Variants in RGS22 observed in about 807,000 individuals in gnomAD.
RGS22 encodes regulator of G-protein signaling 22.
Under a neutral mutation model 172.9 loss-of-function variants are expected in RGS22, and 148 were observed. The ratio of observed to expected loss-of-function variants is 0.86; its 90% CI spans 0.75 to 0.98. RGS22 has a LOEUF of 0.98. Among genes scored for constraint, RGS22 ranks in the 50% least tolerant of loss-of-function variants. The pLI is 0.00. For missense variants in RGS22, 1,347 were observed against 1,440.8 expected, an observed-to-expected ratio of 0.93 and a Z score of 1.05; for synonymous variants, 458 against 480.2, an observed-to-expected ratio of 0.95 and a Z score of 0.60.
At chr8:99,994,759 A>C (rs1304571180) in intron 20 of RGS22, among the ~76,000 whole-genome samples, 2 of 152,200 alleles carry the variant, frequency 1.3e-5, no homozygotes, top group Admixed American at 1.3e-4. Context: ...ATTAGAAAAA[A>C]AACTACTTTA....
intron 6 of RGS22, 125 bp from the exon 7 acceptor site, chr8:100,066,421 C>A: frequency 4.4e-6 from 3 of 688,680 alleles, no homozygotes; most frequent in Non-Finnish European, 6.8e-6. Flanking sequence ...AAAATTATCT[C>A]ATGAAGGAAA....
At chr8:100,033,772 G>C (rs1819118098) in intron 14 of RGS22, among the ~76,000 whole-genome samples, 1 of 152,142 alleles carries the variant, frequency 6.6e-6, no homozygotes, top group African/African-American at 2.4e-5. Context: ...CCATGATCAA[G>C]TTGGCTTTTC....
chr8:100,083,437 G>A (rs1171469178), intron 3 of RGS22, among the ~76,000 whole-genome samples: 2 of 151,936 alleles, frequency 1.3e-5, no homozygotes, highest in African/African-American at 2.4e-5. Flanking sequence ...GCGTGATCTC[G>A]GCTCACTGCA....
intron 4 of RGS22, among the ~76,000 whole-genome samples, chr8:100,073,964 A>G (rs1811165750): frequency 6.6e-6 from 1 of 152,220 alleles, no homozygotes. Flanking sequence ...CAAAGACCAA[A>G]AACATACAAG....
intron 13 of RGS22, among the ~76,000 whole-genome samples, chr8:100,039,385 T>C (rs2131593677): frequency 1.3e-5 from 2 of 151,868 alleles, no homozygotes; most frequent in East Asian, 3.9e-4. Context: ...ATACTTTTTT[T>C]TTTTTTTTTT....
intron 23 of RGS22, among the ~76,000 whole-genome samples, chr8:99,968,422 TAAC>T (rs1490743221): frequency 6.6e-6 from 1 of 151,950 alleles, no homozygotes; most frequent in Non-Finnish European, 1.5e-5. Flanking sequence ...AGGTGGGTAA[TAAC>T]AAACTCTTCT....
chr8:100,051,412 A>ATATATATATACATATATATATTTAT (rs1453017129), intron 10 of RGS22, among the ~76,000 whole-genome samples: 4 of 122,308 alleles, frequency 3.3e-5, no homozygotes, highest in Non-Finnish European at 6.5e-5. Context: ...TATATTTATT[A>ATATATATATACATATATATATTTAT]TATATATATA....
intron 23 of RGS22, among the ~76,000 whole-genome samples, chr8:99,967,104 C>T (rs551826626): frequency 7.9e-5 from 12 of 152,254 alleles, no homozygotes; most frequent in Admixed American, 2.0e-4. Context: ...TGTTGCCTCA[C>T]GCAGGAAGTG....
Position 100,051,241 on chromosome 8 carries a change from G to C in RGS22, c.1689+1561C>G, listed in dbSNP as rs190725753. Among the ~76,000 whole-genome samples the C allele has an allele frequency of 4.0e-4, 61 of 151,320 alleles. 1 individual carries two copies. The highest frequency in any genetic ancestry group is 1.3e-3 in the African/African-American group (52 of 41,186). ...AAAGAAGAGCAAGGAGACCAATGTG[G>C]TTGGAATGCAGTAAGCTAGAGTGGT... On this transcript the variant is annotated intron_variant, in intron 10 of 27. Coordinates refer to ENST00000360863, the MANE Select transcript of RGS22 (RefSeq NM_015668.5).
intron 22 of RGS22, among the ~76,000 whole-genome samples, chr8:99,978,908 TTTAAAAAG>T (rs1365027375): frequency 2.0e-5 from 3 of 152,180 alleles, no homozygotes; most frequent in Admixed American, 1.3e-4. Context: ...AAGAGGAATC[TTTAAAAAG>T]TAAATGCTGC....
In RGS22 at chr8:100,063,923, A is replaced by G; in HGVS notation, c.845T>C (p.Leu282Pro). The G allele has an allele frequency of 6.2e-7, 1 of 1,603,048 alleles. No individual in the cohort carries two copies. Among genetic ancestry groups the G allele is most frequent in the Non-Finnish European group, 8.5e-7 (1 of 1,174,870 alleles). ...AAGAGCTTGAGAAGGAGTGTCTTGT[A>G]GAGATACAGACACCTCTTCTTCTTC... ...EGEEEEVSVSLQDTPSQALLR... is the reference protein window; with the variant it reads ...EGEEEEVSVSPQDTPSQALLR... The change falls in exon 8 of 28, where the codon CTA becomes CCA. Residue 282 changes from leucine to proline, a missense_variant. Transcript: ENST00000360863.
At chr8:100,077,002 GAA>G (rs906789533) in intron 4 of RGS22, among the ~76,000 whole-genome samples, 2 of 149,660 alleles carry the variant, frequency 1.3e-5, no homozygotes, top group East Asian at 3.9e-4. Flanking sequence ...CAAAAAAAAA[GAA>G]AAAAAAAGTC....
intron 14 of RGS22, among the ~76,000 whole-genome samples, chr8:100,024,365 A>T (rs962404629): frequency 1.3e-5 from 2 of 152,010 alleles, no homozygotes; most frequent in African/African-American, 4.8e-5. Context: ...TCTTAAAAAA[A>T]TAAAAACACT....
At chr8:100,000,324 T>A (rs577345135) in intron 18 of RGS22, among the ~76,000 whole-genome samples, 1 of 152,226 alleles carries the variant, frequency 6.6e-6, no homozygotes, top group South Asian at 2.1e-4. Context: ...CTCTTCTTAG[T>A]TCTCCTTTAA....
intron 21 of RGS22, among the ~76,000 whole-genome samples, chr8:99,986,766 GGTTTA>G (rs1404236105): frequency 6.6e-6 from 1 of 151,418 alleles, no homozygotes; most frequent in African/African-American, 2.4e-5. Flanking sequence ...CTTCTCTGTT[GGTTTA>G]TTTATCCATA....
intron 16 of RGS22, 136 bp from the exon 17 acceptor site, chr8:100,004,234 CT>C: frequency 1.9e-6 from 2 of 1,036,580 alleles, no homozygotes; most frequent in Non-Finnish European, 2.6e-6. Context: ...TGGGTAAAGA[CT>C]TTAGAATCTG....
chr8:99,992,066 T>A (rs868140963), intron 20 of RGS22, among the ~76,000 whole-genome samples: 9 of 152,274 alleles, frequency 5.9e-5, no homozygotes, highest in Middle Eastern at 3.4e-3. Flanking sequence ...AAGCAAATGC[T>A]GAGAGATTTT....
At chr8:100,031,550 A>G (rs577527394) in intron 14 of RGS22, among the ~76,000 whole-genome samples, 44 of 151,694 alleles carry the variant, frequency 2.9e-4, no homozygotes, top group Middle Eastern at 3.4e-3. Flanking sequence ...CCTCCTTCCC[A>G]TTTCTTACTT....
Position 100,006,020 on chromosome 8 carries a change from A to G in RGS22, c.2451T>C (p.Ala817=). The G allele has an allele frequency of 6.2e-7, 1 of 1,612,620 alleles. No individual in the cohort carries two copies. Among genetic ancestry groups the G allele is most frequent in the Non-Finnish European group, 8.5e-7 (1 of 1,179,262 alleles). Residue 817 remains alanine (A), a synonymous_variant, in exon 16 of 28, where the codon GCT becomes GCC. Coordinates refer to ENST00000360863, the MANE Select transcript of RGS22 (RefSeq NM_015668.5). The part of the protein sequence containing the change: ...ALHKETFSKK[A]EDTTCEIGTG... The stretch of plus-strand genomic sequence containing the variant: ...TCTAAGTAGAAAGTTGCCTTACCTC[A>G]GCTTTCTTGGAAAATGTCTCTTTAT...
Sources: allele counts gnomAD v4.1 joint callset (sites outside exome capture counted in the v4.1 genomes callset), GRCh38; gene constraint gnomAD v4.1.1; transcripts MANE v1.5; gene names NCBI Gene and HGNC (gene_info 2026-07-23, HGNC 2026-07-21).